The following CCDC18 variants were observed in gnomAD, a reference collection of about 807,000 sequenced individuals.
The protein encoded by CCDC18 is coiled-coil domain-containing protein 18.
A neutral mutation model predicts 196.0 loss-of-function variants in CCDC18; 157 were observed. The observed-to-expected ratio is 0.80, with a 90% CI of 0.70 to 0.91. The LOEUF is 0.91. Ranked by LOEUF, CCDC18 falls within the 40% of genes least tolerant of loss-of-function variation. The pLI, the probability that CCDC18 is intolerant of heterozygous loss-of-function variation, is 0.00. For missense variants in CCDC18, 1,465 were observed against 1,611.6 expected, an observed-to-expected ratio of 0.91 and a Z score of 1.56; for synonymous variants, 482 against 529.2, an observed-to-expected ratio of 0.91 and a Z score of 1.22.
intron 17 of CCDC18, among the ~76,000 whole-genome samples, chr1:93,226,889 T>C (rs1053647805): frequency 6.6e-6 from 1 of 152,128 alleles, no homozygotes; most frequent in African/African-American, 2.4e-5. Context: ...AAAATGTAAA[T>C]TCCAATTTTA....
chr1:93,226,328 CTTAGG>C lies in CCDC18; in HGVS notation c.2177_2181del (p.Val726AlafsTer10). On this transcript the variant is annotated splice_acceptor_variant and splice_polypyrimidine_tract_variant and coding_sequence_variant and intron_variant, in exon 17 of 29. Coordinates refer to ENST00000690025, the MANE Select transcript of CCDC18 (RefSeq NM_001378204.1). LOFTEE classifies it high-confidence loss of function. ...TTTTTTTTTTTTGCTTTTTTTCCTG[CTTAGG>C]TTAGGCAACTAGATTCAGCATTGGA... is the stretch of plus-strand genomic sequence containing the variant. The C allele has an allele frequency of 1.4e-5, 11 of 811,394 alleles. No individual in the cohort carries two copies. Among genetic ancestry groups the C allele is most frequent in the Non-Finnish European group, 1.8e-5 (10 of 565,814 alleles). 50.3% of individuals were successfully genotyped at this position (811,394 alleles called of 1,614,324 possible).
At chr1:93,228,677 C>CT (rs1658779325) in intron 17 of CCDC18, among the ~76,000 whole-genome samples, 1 of 110,466 alleles carries the variant, frequency 9.1e-6, no homozygotes, top group South Asian at 2.4e-4. Context: ...ATAGGAATGT[C>CT]CTTTTTTTTT....
Position 93,254,565 on chromosome 1 carries a change from T to C in CCDC18, c.3293T>C (p.Leu1098Pro), listed in dbSNP as rs769581059. 4 of 1,610,310 alleles carry C rather than the reference T, an allele frequency of 2.5e-6. No individual in the cohort carries two copies. Among genetic ancestry groups the C allele is most frequent in the Non-Finnish European group, 3.4e-6 (4 of 1,178,314 alleles). Reference sequence around the variant, plus strand: ...CAAAATGAACAGGAGATAAGTCAACTGAAAAAAGAAATTGAAAGAACACAA... The same window carrying C: ...CAAAATGAACAGGAGATAAGTCAACCGAAAAAAGAAATTGAAAGAACACAA... ...MLQNEQEISQ[L>P]KKEIERTQQR... Residue 1098 changes from leucine (L) to proline (P), a missense_variant, in exon 24 of 29, where the codon CTG becomes CCG. By Grantham distance (98) the Leu-to-Pro change is moderately conservative. Coordinates refer to ENST00000690025, the MANE Select transcript of CCDC18 (RefSeq NM_001378204.1).
intron 16 of CCDC18, among the ~76,000 whole-genome samples, chr1:93,224,364 C>T (rs940448763): frequency 6.6e-6 from 1 of 152,164 alleles, no homozygotes; most frequent in Non-Finnish European, 1.5e-5. Flanking sequence ...GGCCACACCA[C>T]CACTACACTA....
chr1:93,221,368 G>A (rs1657405120), intron 14 of CCDC18, among the ~76,000 whole-genome samples: 1 of 151,546 alleles, frequency 6.6e-6, no homozygotes, highest in South Asian at 2.1e-4. Context: ...TGCATTTCTT[G>A]AGCGATCAGC....
chr1:93,229,503 T>C (rs923333422), intron 17 of CCDC18, among the ~76,000 whole-genome samples: 2 of 152,184 alleles, frequency 1.3e-5, no homozygotes, highest in Non-Finnish European at 2.9e-5. Flanking sequence ...CCGTTAATAA[T>C]AGGTGATATT....
chr1:93,186,019 G>A (rs866267367), intron 3 of CCDC18, among the ~76,000 whole-genome samples: 1 of 151,960 alleles, frequency 6.6e-6, no homozygotes, highest in African/African-American at 2.4e-5. Flanking sequence ...ATATCTGCAC[G>A]TGAAAAAGTA....
intron 16 of CCDC18, among the ~76,000 whole-genome samples, chr1:93,222,840 G>T (rs1487601812): frequency 6.6e-6 from 1 of 152,086 alleles, no homozygotes; most frequent in Admixed American, 6.6e-5. Context: ...GTTAAACGTA[G>T]GTCCAAATAT....
intron 28 of CCDC18, 121 bp downstream of exon 28, chr1:93,270,935 T>C: frequency 7.2e-7 from 1 of 1,393,096 alleles, no homozygotes; most frequent in Non-Finnish European, 9.3e-7. Context: ...AGGAAGATTT[T>C]ACATTTTATA....
chr1:93,187,830 A>G (rs1650977056), intron 4 of CCDC18, among the ~76,000 whole-genome samples: 1 of 152,130 alleles, frequency 6.6e-6, no homozygotes, highest in African/African-American at 2.4e-5. Flanking sequence ...TTTCTTGGTC[A>G]CTTTGAGGGA....
chr1:93,233,870 T>G (rs1403617945), intron 18 of CCDC18, among the ~76,000 whole-genome samples: 1 of 152,210 alleles, frequency 6.6e-6, no homozygotes, highest in Non-Finnish European at 1.5e-5. Flanking sequence ...GTGCTGGGAT[T>G]ACAGGCGTGA....
intron 6 of CCDC18, among the ~76,000 whole-genome samples, chr1:93,197,852 T>C (rs563154377): frequency 8.3e-4 from 122 of 147,162 alleles, no homozygotes; most frequent in South Asian, 4.2e-3. Context: ...CCTGGGTTCA[T>C]GCCATTCTCT....
intron 5 of CCDC18, among the ~76,000 whole-genome samples, chr1:93,193,018 T>C (rs1467164221): frequency 2.0e-5 from 3 of 152,216 alleles, no homozygotes; most frequent in African/African-American, 7.2e-5. Context: ...GTAATACATA[T>C]ATTATTTTAA....
chr1:93,180,511 C>A (rs373331120), upstream of CCDC18: 87 of 1,537,916 alleles, frequency 5.7e-5, no homozygotes, highest in African/African-American at 1.1e-3. Flanking sequence ...CGCCTCTCCC[C>A]CTGACGGCCT....
intron 21 of CCDC18, 81 bp from the exon 22 acceptor site, chr1:93,246,024 G>T: frequency 2.5e-6 from 2 of 802,188 alleles, no homozygotes; most frequent in South Asian, 2.5e-5. Context: ...ATTTATAGAA[G>T]AGGTAACCTG....
chr1:93,254,873 C>T (rs1315065168), intron 24 of CCDC18, among the ~76,000 whole-genome samples: 1 of 140,438 alleles, frequency 7.1e-6, no homozygotes, highest in Non-Finnish European at 1.5e-5. Context: ...AGTAAATCTA[C>T]AATATATGCT....
intron 10 of CCDC18, among the ~76,000 whole-genome samples, 155 bp downstream of exon 10, chr1:93,211,081 C>T (rs930977176): frequency 3.3e-5 from 5 of 151,874 alleles, no homozygotes; most frequent in African/African-American, 7.3e-5. Flanking sequence ...TCGAGACCAG[C>T]CTGACCAACA....
At chr1:93,227,818 T>A (rs1347771234) in intron 17 of CCDC18, among the ~76,000 whole-genome samples, 2 of 150,876 alleles carry the variant, frequency 1.3e-5, no homozygotes, top group African/African-American at 4.9e-5. Flanking sequence ...ATTAGCCAGG[T>A]ATGGTGGTGC....
chr1:93,227,971 A>AAATATAT (rs57726461), intron 17 of CCDC18, among the ~76,000 whole-genome samples: 271 of 125,288 alleles, frequency 2.2e-3, no homozygotes, highest in Middle Eastern at 0.012. Context: ...AAAAAAAAAA[A>AAATATAT]ATATATATAT....
Sources: gnomAD v4.1 joint callset for allele counts (sites outside exome capture counted in the v4.1 genomes callset) on GRCh38, gnomAD v4.1.1 for gene constraint, MANE v1.5 for transcripts, NCBI Gene and HGNC (gene_info 2026-07-23, HGNC 2026-07-21) for gene names.